TBC1D22A: variants seen among roughly 807,000 people sequenced by gnomAD.
The protein encoded by TBC1D22A is putative GTPase activator.
Under a neutral mutation model 60.2 loss-of-function variants are expected in TBC1D22A, and 38 were observed. The observed-to-expected ratio is 0.63, with a 90% confidence interval of 0.49 to 0.83. The LOEUF is 0.83. Ranked by LOEUF, TBC1D22A falls within the 40% of genes least tolerant of loss-of-function variation. The probability of loss-of-function intolerance (pLI) is 0.00; values close to 1 mark genes in which losing one functional copy is unlikely to be tolerated. For synonymous variants in TBC1D22A, 302 were observed against 281.7 expected (o/e 1.07, Z -0.72); for missense variants, 628 against 701.0 (o/e 0.90, Z 1.18).
chr22:47,069,917 C>T lies in TBC1D22A; in HGVS notation c.1329+32719C>T, dbSNP rs1235083102. On this transcript the variant is annotated intron_variant, in intron 11 of 12. Coordinates refer to ENST00000337137, the MANE Select transcript of TBC1D22A (RefSeq NM_014346.5). Reference sequence around the variant, plus strand: ...CTGACTTGACGGTTCCAGCGCTGTCCCCTGTTGTTTGGTTGGAGCAGAGCT... The same window carrying T: ...CTGACTTGACGGTTCCAGCGCTGTCTCCTGTTGTTTGGTTGGAGCAGAGCT... Among the ~76,000 whole-genome samples, 3 of 148,438 alleles carry T rather than the reference C, an allele frequency of 2.0e-5. 1 individual carries two copies. Among genetic ancestry groups the T allele is most frequent in the Admixed American group, 6.7e-5 (1 of 14,912 alleles).
intron 4 of TBC1D22A, among the ~76,000 whole-genome samples, chr22:46,858,461 A>AT (rs746109443): frequency 1.3e-5 from 2 of 151,330 alleles, no homozygotes; most frequent in African/African-American, 2.4e-5. Context: ...TGTGGCAAAC[A>AT]CCCCCCCCAG....
chr22:46,808,231 G>A (rs1158192206), intron 4 of TBC1D22A, among the ~76,000 whole-genome samples: 2 of 152,018 alleles, frequency 1.3e-5, no homozygotes, highest in Non-Finnish European at 2.9e-5. Context: ...GATGGCACAC[G>A]CCTGTAATCC....
chr22:46,935,822 T>C (rs765041439), intron 8 of TBC1D22A, among the ~76,000 whole-genome samples: 19 of 152,026 alleles, frequency 1.2e-4, no homozygotes, highest in Admixed American at 1.2e-3. Context: ...TTTGCTGTTG[T>C]GCTGTCTCCT....
At position 46,793,482 on chromosome 22, in the gene TBC1D22A, G is replaced by A. The variant is rs371394130; in HGVS notation, c.120-19G>A. 5.0e-6 allele frequency: 8 copies of A among 1,612,520 alleles called. No individual in the cohort carries two copies. In the African/African-American group the frequency reaches 1.1e-4, roughly 21 times the overall value. On this transcript the variant is annotated intron_variant, in intron 2 of 12. Coordinates refer to ENST00000337137, the MANE Select transcript of TBC1D22A (RefSeq NM_014346.5). ...AAGCCTTCGAGCATGTACGAGTAAA[G>A]ACTGCCTTTGCATTGCAGTTTGCTC...
At chr22:47,134,855 C>T (rs2066804139) in intron 12 of TBC1D22A, among the ~76,000 whole-genome samples, 1 of 152,228 alleles carries the variant, frequency 6.6e-6, no homozygotes, top group African/African-American at 2.4e-5. Context: ...CTCCAGGGTC[C>T]TCTGCCTGGC....
chr22:47,124,854 G>A (rs192960139), intron 12 of TBC1D22A, among the ~76,000 whole-genome samples: 2 of 152,242 alleles, frequency 1.3e-5, no homozygotes, highest in East Asian at 1.9e-4. Flanking sequence ...CAGCAGTGCC[G>A]CAGGGCCACT....
At chr22:47,119,570 C>T (rs942268248) in intron 12 of TBC1D22A, among the ~76,000 whole-genome samples, 6 of 151,622 alleles carry the variant, frequency 4.0e-5, no homozygotes, top group South Asian at 2.1e-4. Context: ...GATCTCGGCT[C>T]GCTGCAGCCT....
intron 1 of TBC1D22A, among the ~76,000 whole-genome samples, chr22:46,772,904 A>C (rs889809404): frequency 2.6e-5 from 4 of 152,184 alleles, no homozygotes; most frequent in African/African-American, 9.7e-5. Flanking sequence ...CAGGGATTGC[A>C]GGCATGAGCC....
chr22:46,936,357 G>A (rs73186511), intron 8 of TBC1D22A, among the ~76,000 whole-genome samples: 1,687 of 152,152 alleles, frequency 0.011, 17 homozygotes, highest in Middle Eastern at 0.017. Flanking sequence ...CAGGCTCCTC[G>A]TGGTTCTGCA....
intron 7 of TBC1D22A, among the ~76,000 whole-genome samples, chr22:46,905,924 T>C (rs775235282): frequency 2.0e-5 from 3 of 152,236 alleles, no homozygotes; most frequent in Non-Finnish European, 4.4e-5. Flanking sequence ...AAGGCTGATC[T>C]GTGGTAGCAT....
chr22:47,055,882 C>G (rs147033765), intron 11 of TBC1D22A, among the ~76,000 whole-genome samples: 1 of 150,788 alleles, frequency 6.6e-6, no homozygotes, highest in Admixed American at 6.6e-5. Flanking sequence ...TGATGAGATA[C>G]GCCACTGAGG....
At chr22:46,894,871 T>A (rs1187203766) in intron 7 of TBC1D22A, 25 bp downstream of exon 7, 2 of 1,613,598 alleles carry the variant, frequency 1.2e-6, no homozygotes, top group African/African-American at 2.7e-5. Context: ...CCGTGGGGAG[T>A]TCCCCTCGTT....
intron 11 of TBC1D22A, among the ~76,000 whole-genome samples, chr22:47,079,478 T>C (rs996054805): frequency 6.6e-6 from 1 of 152,196 alleles, no homozygotes; most frequent in East Asian, 1.9e-4. Context: ...ATAAAACTGC[T>C]AGAAAATAGC....
intron 11 of TBC1D22A, among the ~76,000 whole-genome samples, chr22:47,104,230 C>G (rs1454705678): frequency 6.6e-6 from 1 of 152,114 alleles, no homozygotes; most frequent in African/African-American, 2.4e-5. Context: ...TGCTTGAATG[C>G]AGGAGGCAGG....
intron 1 of TBC1D22A, among the ~76,000 whole-genome samples, chr22:46,770,765 G>A (rs1330864608): frequency 6.6e-6 from 1 of 152,188 alleles, no homozygotes; most frequent in Non-Finnish European, 1.5e-5. Context: ...GCTTTCTTGT[G>A]TTTTTTATAA....
chr22:46,770,664 C>T (rs2083451212), intron 1 of TBC1D22A, among the ~76,000 whole-genome samples: 2 of 152,230 alleles, frequency 1.3e-5, no homozygotes, highest in Admixed American at 6.5e-5. Flanking sequence ...TCGGAGGGTT[C>T]TTCCTATGTC....
intron 7 of TBC1D22A, among the ~76,000 whole-genome samples, chr22:46,897,366 C>T (rs189927145): frequency 1.1e-4 from 16 of 152,154 alleles, no homozygotes; most frequent in African/African-American, 2.7e-4. Context: ...TTGCAGAAAG[C>T]GACCAATGAG....
At chr22:46,888,603 C>G (rs1215761043) in intron 5 of TBC1D22A, among the ~76,000 whole-genome samples, 5 of 152,146 alleles carry the variant, frequency 3.3e-5, no homozygotes, top group African/African-American at 9.7e-5. Flanking sequence ...TGACCAGGAG[C>G]CCAGTCAGAC....
intron 7 of TBC1D22A, among the ~76,000 whole-genome samples, chr22:46,895,820 G>T (rs535619153): frequency 3.9e-5 from 6 of 152,242 alleles, no homozygotes; most frequent in African/African-American, 1.4e-4. Flanking sequence ...GGTGTTATCT[G>T]GAGCCTTCAC....
Sources: gnomAD v4.1 joint callset for allele counts (sites outside exome capture counted in the v4.1 genomes callset) on GRCh38, gnomAD v4.1.1 for gene constraint, MANE v1.5 for transcripts, NCBI Gene and HGNC (gene_info 2026-07-23, HGNC 2026-07-21) for gene names.